C16orf87: variants seen among roughly 807,000 people sequenced by gnomAD.
C16orf87 encodes the protein UPF0547 protein C16orf87.
A neutral mutation model predicts 21.0 loss-of-function variants in C16orf87; 13 were observed. The observed-to-expected ratio is 0.62, with a 90% CI of 0.40 to 0.98. The LOEUF (loss-of-function observed/expected upper bound fraction) is 0.98. C16orf87 is among the 50% of genes least tolerant of loss of function. C16orf87 has a pLI of 0.00. For missense variants in C16orf87, 113 were observed against 180.4 expected, an observed-to-expected ratio of 0.63 and a Z score of 2.14; for synonymous variants, 49 against 60.2, an observed-to-expected ratio of 0.81 and a Z score of 0.86.
chr16:46,815,154 C>T (rs946140907), intron 2 of C16orf87, among the ~76,000 whole-genome samples: 3 of 151,862 alleles, frequency 2.0e-5, no homozygotes. Flanking sequence ...AACAGGAAAA[C>T]TGGGTATCTA....
At position 46,797,342 on chromosome 16, in the gene C16orf87, T is replaced by C. The variant is rs950859461; in HGVS notation, c.*5610A>G. The C allele has an allele frequency of 6.6e-6, 1 of 152,130 alleles. No individual in the cohort carries two copies. The allele number at this position is 152,130 out of a possible 1,614,324, so 9.4% of individuals were successfully genotyped here. The stretch of plus-strand genomic sequence containing the variant: ...GAAAAAATACATTATCTGATGAGTC[T>C]TATTTTTTATTTTTATTTTTTGAGA... On this transcript the variant is annotated 3_prime_UTR_variant, in exon 4 of 4. Transcript: ENST00000285697.
At chr16:46,806,255 ATT>A (rs765265445) in intron 3 of C16orf87, among the ~76,000 whole-genome samples, 7 of 125,778 alleles carry the variant, frequency 5.6e-5, no homozygotes, top group Admixed American at 8.2e-5. Flanking sequence ...GTCTACATTC[ATT>A]TTTTTTTTTT....
intron 2 of C16orf87, among the ~76,000 whole-genome samples, chr16:46,812,195 G>A (rs1215903414): frequency 2.0e-5 from 3 of 151,878 alleles, no homozygotes; most frequent in Non-Finnish European, 4.4e-5. Context: ...AGTGAGCTGA[G>A]ATCGTGCCAC....
At chr16:46,806,675 T>G (rs1967939445) in intron 3 of C16orf87, among the ~76,000 whole-genome samples, 2 of 152,224 alleles carry the variant, frequency 1.3e-5, no homozygotes. Flanking sequence ...AAACGAAGAC[T>G]TACATTAGAC....
At chr16:46,822,318 CTT>C (rs1198623357) in intron 2 of C16orf87, among the ~76,000 whole-genome samples, 3 of 152,200 alleles carry the variant, frequency 2.0e-5, no homozygotes, top group African/African-American at 7.2e-5. Flanking sequence ...AAAATAAGCA[CTT>C]TGTCTCCCTA....
rs117850129 is a variant in C16orf87 at position 46,830,683 on chromosome 16, G to C, written c.66+401C>G. Reference sequence around the variant, plus strand: ...GCCCCGGCCGCAGGAGGGGTTCTCGGAGCTAGGGCCTGGCCTCGGAGGCGG... The same window carrying C: ...GCCCCGGCCGCAGGAGGGGTTCTCGCAGCTAGGGCCTGGCCTCGGAGGCGG... On this transcript the variant is annotated intron_variant, in intron 1 of 3. Coordinates refer to ENST00000285697, the MANE Select transcript of C16orf87 (RefSeq NM_001001436.4). The C allele has an allele frequency of 7.3e-3, 1,254 of 170,744 alleles. 29 individuals are homozygous for C. In the East Asian group the frequency reaches 0.093, roughly 13 times the overall value. The allele number at this position is 170,744 out of a possible 1,614,324, so 10.6% of individuals were successfully genotyped here. A position where few individuals can be genotyped will look rare whatever the true frequency, so the allele number is the denominator to read the frequency against.
At chr16:46,816,047 T>C (rs1309837936) in intron 2 of C16orf87, among the ~76,000 whole-genome samples, 1 of 152,230 alleles carries the variant, frequency 6.6e-6, no homozygotes, top group Non-Finnish European at 1.5e-5. Context: ...TGGAATATTA[T>C]TTAACCTTAA....
chr16:46,810,238 T>A (rs1251572965), intron 2 of C16orf87, among the ~76,000 whole-genome samples: 4 of 152,136 alleles, frequency 2.6e-5, no homozygotes, highest in African/African-American at 7.2e-5. Flanking sequence ...GTATTAAGGT[T>A]ACAATAAAAA....
intron 3 of C16orf87, chr16:46,808,200 G>A (rs1967983686): frequency 2.4e-6 from 1 of 423,982 alleles, no homozygotes; most frequent in Non-Finnish European, 4.6e-6. Context: ...ATAATAGAAA[G>A]AGAAAAGCAG....
chr16:46,804,626 A>G, intron 3 of C16orf87, among the ~76,000 whole-genome samples: 1 of 152,240 alleles, frequency 6.6e-6, no homozygotes, highest in East Asian at 1.9e-4. Flanking sequence ...TGATAAATTT[A>G]CATATAGTGA....
chr16:46,805,185 C>T (rs1026451433), intron 3 of C16orf87, among the ~76,000 whole-genome samples: 17 of 152,034 alleles, frequency 1.1e-4, no homozygotes, highest in African/African-American at 1.7e-4. Flanking sequence ...TTGTTAAAGT[C>T]GTTGATGACT....
rs1567309168 is a variant in C16orf87 at position 46,809,753 on chromosome 16, C to G, written c.196G>C (p.Glu66Gln). ...NKHEAKRRRT[E>Q]RVRREKINST... ...TTTATCTTCTCTCTCCTAACTCTCT[C>G]TGTTCGCCTCCTCTTGGCCTCATGC... is the stretch of plus-strand genomic sequence containing the variant. The change falls in exon 3 of 4, where the codon GAG becomes CAG. Residue 66 changes from glutamate (E) to glutamine (Q), a missense_variant. Transcript: ENST00000285697. The G allele has an allele frequency of 6.2e-7, 1 of 1,609,896 alleles. No individual in the cohort carries two copies. The highest frequency in any genetic ancestry group is 1.7e-5 in the Admixed American group (1 of 59,964).
At position 46,828,028 on chromosome 16, in the gene C16orf87, G is replaced by A. The variant is rs185633404; in HGVS notation, c.66+3056C>T. On this transcript the variant is annotated intron_variant, in intron 1 of 3. Coordinates refer to ENST00000285697, the MANE Select transcript of C16orf87 (RefSeq NM_001001436.4). ...CGGCTCACTGCAACCTCTGCCTCCC[G>A]GGTTCAATCACTTCTCCTGCCTCAG... 4.7e-3 allele frequency among the ~76,000 whole-genome samples: 707 copies of A among 151,692 alleles called. 5 individuals are homozygous for A. Among genetic ancestry groups the A allele is most frequent in the Non-Finnish European group, 6.1e-3 (416 of 67,942 alleles).
At chr16:46,803,397 ATGGTCCC>A (rs1227042421) in intron 3 of C16orf87, among the ~76,000 whole-genome samples, 1 of 152,194 alleles carries the variant, frequency 6.6e-6, no homozygotes, top group Non-Finnish European at 1.5e-5. Flanking sequence ...ACTCTGAGAG[ATGGTCCC>A]CTTCTGAACA....
At chr16:46,822,003 A>C (rs1369724167) in intron 2 of C16orf87, among the ~76,000 whole-genome samples, 1 of 152,214 alleles carries the variant, frequency 6.6e-6, no homozygotes, top group African/African-American at 2.4e-5. Flanking sequence ...CCTCTGGTTT[A>C]ACTGGTTAAA....
rs937932209 is a variant in C16orf87 at position 46,799,962 on chromosome 16, A to C, written c.*2990T>G. ...CCAATTAATACTTTATATAAAAGTA[A>C]GTAAAGAGCTTAATTTTTCTAAATT... On this transcript the variant is annotated 3_prime_UTR_variant, in exon 4 of 4. Transcript: ENST00000285697. The C allele has an allele frequency of 4.6e-5, 7 of 152,228 alleles. No homozygotes were observed. Among genetic ancestry groups the C allele is most frequent in the African/African-American group, 1.7e-4 (7 of 41,470 alleles). 9.4% of individuals were successfully genotyped at this position (152,228 alleles called of 1,614,324 possible).
intron 2 of C16orf87, among the ~76,000 whole-genome samples, chr16:46,815,093 A>T (rs963396353): frequency 6.6e-6 from 1 of 152,194 alleles, no homozygotes; most frequent in African/African-American, 2.4e-5. Flanking sequence ...AGGATTTTCA[A>T]TAAGAGTCTG....
intron 2 of C16orf87, among the ~76,000 whole-genome samples, chr16:46,817,692 A>C (rs1191250103): frequency 6.6e-6 from 1 of 152,102 alleles, no homozygotes; most frequent in East Asian, 1.9e-4. Context: ...TGTCTCAAAA[A>C]AATAAAGAAA....
intron 2 of C16orf87, among the ~76,000 whole-genome samples, chr16:46,813,154 T>A (rs1968146601): frequency 6.6e-6 from 1 of 152,152 alleles, no homozygotes; most frequent in Non-Finnish European, 1.5e-5. Flanking sequence ...CTGCTCTGAT[T>A]TCTTCCCTAA....
Sources: allele counts gnomAD v4.1 joint callset (sites outside exome capture counted in the v4.1 genomes callset), GRCh38; gene constraint gnomAD v4.1.1; transcripts MANE v1.5; gene names NCBI Gene and HGNC (gene_info 2026-07-23, HGNC 2026-07-21).